Variants in WWOX observed in about 807,000 individuals in gnomAD.
The protein encoded by WWOX is WW domain containing oxidoreductase, also known as WW domain-containing oxidoreductase.
WWOX carries 69 observed loss-of-function variants against 46.2 expected under a neutral mutation model. That is an observed-to-expected ratio of 1.49 (90% CI 1.23 to 1.82). The LOEUF is 1.82. Ranked by LOEUF, WWOX falls within the 40% of genes most tolerant of loss-of-function variation. The pLI, the probability that WWOX is intolerant of heterozygous loss-of-function variation, is 0.00. For missense variants in WWOX, 919 were observed against 542.6 expected, an observed-to-expected ratio of 1.69 and a Z score of -6.89; for synonymous variants, 359 against 202.6, an observed-to-expected ratio of 1.77 and a Z score of -6.56.
intron 8 of WWOX, among the ~76,000 whole-genome samples, chr16:78,474,581 T>C (rs2084311553): frequency 6.6e-6 from 1 of 152,238 alleles, no homozygotes; most frequent in South Asian, 2.1e-4. Flanking sequence ...ATAACAGCTT[T>C]ATTGAGAGAT....
intron 8 of WWOX, among the ~76,000 whole-genome samples, chr16:78,935,194 G>A (rs1343009771): frequency 3.9e-5 from 6 of 152,164 alleles, no homozygotes; most frequent in Non-Finnish European, 7.3e-5. Flanking sequence ...AAGACATTGT[G>A]GCGATTCCTC....
At chr16:78,722,308 C>T (rs1026169358) in intron 8 of WWOX, among the ~76,000 whole-genome samples, 1 of 152,176 alleles carries the variant, frequency 6.6e-6, no homozygotes, top group Non-Finnish European at 1.5e-5. Flanking sequence ...CTTTGAGCAT[C>T]TTTACTCAAG....
chr16:78,722,431 G>A (rs9925569), intron 8 of WWOX, among the ~76,000 whole-genome samples: 80,166 of 152,008 alleles, frequency 0.53, 22,142 homozygotes, highest in African/African-American at 0.67. Flanking sequence ...CGTATGAAAT[G>A]AGCAGCAGTT....
At chr16:78,564,106 A>C (rs2044506288) in intron 8 of WWOX, among the ~76,000 whole-genome samples, 1 of 152,178 alleles carries the variant, frequency 6.6e-6, no homozygotes, top group African/African-American at 2.4e-5. Context: ...TACAGACGCA[A>C]CTGCCTTGCT....
chr16:78,398,760 A>T (rs2082345915), intron 6 of WWOX, among the ~76,000 whole-genome samples: 1 of 152,242 alleles, frequency 6.6e-6, no homozygotes, highest in African/African-American at 2.4e-5. Flanking sequence ...TAATTTCATC[A>T]GCAAAGATGG....
intron 5 of WWOX, among the ~76,000 whole-genome samples, chr16:78,198,584 C>T (rs1345018459): frequency 2.6e-5 from 4 of 152,132 alleles, no homozygotes; most frequent in Admixed American, 1.3e-4. Flanking sequence ...TTGATGCTCT[C>T]GTGGCTGCTT....
In WWOX at chr16:78,591,137, G is replaced by A. The variant is rs148133026; in HGVS notation, c.1056+158385G>A. 3.2e-4 allele frequency among the ~76,000 whole-genome samples: 48 copies of A among 152,230 alleles called. 3 individuals carry two copies. The East Asian group carries it at 8.3e-3, about 26-fold the overall frequency. ...AGATTGTCTGTCAGCTTTTCCCTCAGTTTCACCCCCCTTTCTCCCTTTTTC... is the reference window on the plus strand; with the variant it reads ...AGATTGTCTGTCAGCTTTTCCCTCAATTTCACCCCCCTTTCTCCCTTTTTC... On this transcript the variant is annotated intron_variant, in intron 8 of 8. Coordinates refer to ENST00000566780, the MANE Select transcript of WWOX (RefSeq NM_016373.4).
At chr16:78,635,895 A>G (rs1464025863) in intron 8 of WWOX, among the ~76,000 whole-genome samples, 1 of 152,186 alleles carries the variant, frequency 6.6e-6, no homozygotes, top group Admixed American at 6.5e-5. Context: ...GGAAACCAGG[A>G]CACAGAGAAA....
intron 4 of WWOX, among the ~76,000 whole-genome samples, chr16:78,116,007 T>C (rs1414259080): frequency 6.6e-6 from 1 of 152,152 alleles, no homozygotes; most frequent in African/African-American, 2.4e-5. Flanking sequence ...TTTGTTTTTA[T>C]TTTTATTTTT....
chr16:78,992,848 T>G (rs910322976), intron 8 of WWOX, among the ~76,000 whole-genome samples: 2 of 152,114 alleles, frequency 1.3e-5, no homozygotes, highest in African/African-American at 2.4e-5. Flanking sequence ...TCCCCAAACC[T>G]TCTAAGTAGG....
rs534467978 is a variant in WWOX at position 79,132,097 on chromosome 16, C to T, written c.1057-79511C>T. On this transcript the variant is annotated intron_variant, in intron 8 of 8. Coordinates refer to ENST00000566780, the MANE Select transcript of WWOX (RefSeq NM_016373.4). The stretch of plus-strand genomic sequence containing the variant: ...TTTGGGTGGGGACACAGAGTCAAAC[C>T]GTATCACTCTCCCACCCAACACTTG... 2.9e-3 allele frequency among the ~76,000 whole-genome samples: 438 copies of T among 149,656 alleles called. 3 individuals are homozygous for T. Among genetic ancestry groups the T allele is most frequent in the African/African-American group, 9.3e-3 (378 of 40,660 alleles).
At chr16:79,167,745 G>A (rs1212339934) in intron 8 of WWOX, among the ~76,000 whole-genome samples, 2 of 152,190 alleles carry the variant, frequency 1.3e-5, no homozygotes, top group Non-Finnish European at 2.9e-5. Flanking sequence ...TGTTTTAGTT[G>A]AGATGAAATT....
chr16:78,443,599 T>C (rs2083493947), intron 8 of WWOX, among the ~76,000 whole-genome samples: 1 of 152,208 alleles, frequency 6.6e-6, no homozygotes, highest in South Asian at 2.1e-4. Context: ...CCTTTGTTCC[T>C]GAATGAGCAC....
chr16:78,318,747 A>G (rs1157624729), intron 5 of WWOX, among the ~76,000 whole-genome samples: 3 of 152,146 alleles, frequency 2.0e-5, no homozygotes, highest in East Asian at 3.9e-4. Context: ...TTTTAACACT[A>G]TTCTGATATA....
At chr16:78,563,428 A>G (rs1256035632) in intron 8 of WWOX, among the ~76,000 whole-genome samples, 1 of 151,962 alleles carries the variant, frequency 6.6e-6, no homozygotes, top group Non-Finnish European at 1.5e-5. Flanking sequence ...TTGAACAATA[A>G]CAACGTAGGA....
At chr16:78,312,573 C>T (rs1021877413) in intron 5 of WWOX, among the ~76,000 whole-genome samples, 1 of 152,070 alleles carries the variant, frequency 6.6e-6, no homozygotes, top group Non-Finnish European at 1.5e-5. Flanking sequence ...TGGGGTTTCA[C>T]CACGTTGGCT....
chr16:79,198,514 C>T (rs1400491139), intron 8 of WWOX, among the ~76,000 whole-genome samples: 1 of 152,176 alleles, frequency 6.6e-6, no homozygotes, highest in Non-Finnish European at 1.5e-5. Context: ...CACATCAAAC[C>T]TAAGAGTCTC....
intron 8 of WWOX, among the ~76,000 whole-genome samples, chr16:78,930,273 C>CCCT (rs1597165507): frequency 1.9e-5 from 1 of 51,422 alleles, no homozygotes; most frequent in Non-Finnish European, 4.1e-5. Context: ...CTTCCTTTCT[C>CCCT]TCTTTCTTTT....
intron 8 of WWOX, among the ~76,000 whole-genome samples, chr16:79,172,286 C>A (rs1048583590): frequency 1.3e-5 from 2 of 152,168 alleles, no homozygotes; most frequent in African/African-American, 2.4e-5. Flanking sequence ...GCACTTGGCA[C>A]GTAGGAATGT....
Sources: allele counts gnomAD v4.1 joint callset (sites outside exome capture counted in the v4.1 genomes callset), GRCh38; gene constraint gnomAD v4.1.1; transcripts MANE v1.5; gene names NCBI Gene and HGNC (gene_info 2026-07-23, HGNC 2026-07-21).